The following TASP1 variants were observed in gnomAD, a reference collection of about 807,000 sequenced individuals.
TASP1 encodes threonine aspartase 1.
TASP1 carries 16 observed loss-of-function variants against 56.6 expected under a neutral mutation model. The observed-to-expected ratio is 0.28, with a 90% confidence interval of 0.19 to 0.43. TASP1 has a LOEUF of 0.43. Ranked by LOEUF, TASP1 falls within the 20% of genes least tolerant of loss-of-function variation. The probability of loss-of-function intolerance (pLI) is 1.00; values close to 1 mark genes in which losing one functional copy is unlikely to be tolerated. For missense variants in TASP1, 393 were observed against 511.6 expected (o/e 0.77, Z 2.24); for synonymous variants, 179 against 184.2 (o/e 0.97, Z 0.23).
At chr20:13,280,391 A>ACC in the TASP1 span, among the ~76,000 whole-genome samples, 8 of 132,004 alleles carry the variant, frequency 6.1e-5, no homozygotes, top group South Asian at 8.8e-4. Flanking sequence ...CTTCAAAGTA[A>ACC]CCCCCCCCCC....
intron 7 of TASP1, among the ~76,000 whole-genome samples, chr20:13,565,898 T>C (rs1266435236): frequency 3.3e-5 from 5 of 152,202 alleles, no homozygotes; most frequent in Non-Finnish European, 7.3e-5. Context: ...TGCATAGCCA[T>C]GTTCACAGTA....
intron 1 of TASP1, among the ~76,000 whole-genome samples, chr20:13,632,358 C>T (rs1197349502): frequency 2.1e-5 from 3 of 142,096 alleles, no homozygotes; most frequent in Non-Finnish European, 4.6e-5. Context: ...GAGCAAGACT[C>T]CATCTCAAAA....
At chr20:13,193,979 T>C in the TASP1 span, among the ~76,000 whole-genome samples, 2 of 152,176 alleles carry the variant, frequency 1.3e-5, no homozygotes, top group Non-Finnish European at 2.9e-5. Flanking sequence ...AAAATTTGTA[T>C]TTTGCTTTTT....
the TASP1 span, among the ~76,000 whole-genome samples, chr20:13,244,785 TGTGTAAAAGGGAAAG>T: frequency 4.6e-5 from 7 of 152,112 alleles, no homozygotes; most frequent in Admixed American, 2.0e-4. Context: ...GTGAGTAAAA[TGTGTAAAAGGGAAAG>T]GTGTGTTTCA....
chr20:13,287,704 C>T, the TASP1 span, among the ~76,000 whole-genome samples: 1 of 152,202 alleles, frequency 6.6e-6, no homozygotes, highest in East Asian at 1.9e-4. Flanking sequence ...AAGAATTGTG[C>T]CTGACATACA....
chr20:13,349,654 T>C, the TASP1 span, among the ~76,000 whole-genome samples: 1 of 152,214 alleles, frequency 6.6e-6, no homozygotes, highest in Admixed American at 6.5e-5. Flanking sequence ...AAAATCCTGA[T>C]ATTAGAAAGA....
chr20:13,585,470 A>T (rs2047269335), intron 5 of TASP1, among the ~76,000 whole-genome samples: 1 of 152,214 alleles, frequency 6.6e-6, no homozygotes. Flanking sequence ...TTGTATGTAA[A>T]ATATTTAAAA....
chr20:13,474,730 G>A (rs6042145), intron 11 of TASP1, among the ~76,000 whole-genome samples: 8,124 of 152,158 alleles, frequency 0.053, 315 homozygotes, highest in African/African-American at 0.11. Context: ...CATAATGATT[G>A]CACAAATTCA....
chr20:13,476,230 C>T (rs912944031), intron 11 of TASP1, among the ~76,000 whole-genome samples: 6 of 152,170 alleles, frequency 3.9e-5, no homozygotes, highest in African/African-American at 1.4e-4. Context: ...ACGTGTTTTA[C>T]TTTATTTTAT....
intron 11 of TASP1, among the ~76,000 whole-genome samples, chr20:13,482,545 T>C (rs937103780): frequency 1.3e-5 from 2 of 152,224 alleles, no homozygotes; most frequent in African/African-American, 4.8e-5. Flanking sequence ...ACACATGAAG[T>C]ATTTTTCCAT....
chr20:13,277,940 G>A, the TASP1 span, among the ~76,000 whole-genome samples: 15 of 152,260 alleles, frequency 9.9e-5, no homozygotes, highest in South Asian at 1.0e-3. Context: ...CTCCCCATTC[G>A]TAACACAAAA....
At chr20:13,206,670 C>A in the TASP1 span, among the ~76,000 whole-genome samples, 2 of 151,978 alleles carry the variant, frequency 1.3e-5, no homozygotes, top group African/African-American at 4.8e-5. Flanking sequence ...TAACTATATT[C>A]TTTGCATCCA....
chr20:13,311,283 A>AGATT, the TASP1 span, among the ~76,000 whole-genome samples: 4 of 151,332 alleles, frequency 2.6e-5, no homozygotes, highest in Non-Finnish European at 5.9e-5. Flanking sequence ...ATAGATAGAT[A>AGATT]ATAAAATATT....
At chr20:13,474,710 T>G (rs1482574288) in intron 11 of TASP1, among the ~76,000 whole-genome samples, 1 of 152,216 alleles carries the variant, frequency 6.6e-6, no homozygotes, top group Admixed American at 6.5e-5. Flanking sequence ...GGAATCTTCA[T>G]ACTGTTTTCC....
At chr20:13,557,578 T>TG (rs2046205001) in intron 8 of TASP1, among the ~76,000 whole-genome samples, 1 of 138,512 alleles carries the variant, frequency 7.2e-6, no homozygotes, top group Admixed American at 7.1e-5. Context: ...TTTGGTTTTT[T>TG]TTTTTTTTTT....
At chr20:13,499,469 A>AG (rs2043862855) in intron 10 of TASP1, among the ~76,000 whole-genome samples, 1 of 151,742 alleles carries the variant, frequency 6.6e-6, no homozygotes, top group Non-Finnish European at 1.5e-5. Flanking sequence ...TCTTTAAAAA[A>AG]AAAAAAAGAA....
At chr20:13,438,170 G>A (rs1398353523) in intron 11 of TASP1, among the ~76,000 whole-genome samples, 1 of 152,034 alleles carries the variant, frequency 6.6e-6, no homozygotes, top group Non-Finnish European at 1.5e-5. Context: ...AGTTCATATG[G>A]AACCAAAAAG....
chr20:13,460,228 T>C (rs1020948464), intron 11 of TASP1, among the ~76,000 whole-genome samples: 5 of 152,168 alleles, frequency 3.3e-5, no homozygotes, highest in Non-Finnish European at 1.5e-5. Context: ...CGGAAGAGTC[T>C]GACCTGCTGA....
intron 13 of TASP1, among the ~76,000 whole-genome samples, chr20:13,391,252 AG>A (rs1235114502): frequency 6.6e-6 from 1 of 152,080 alleles, no homozygotes; most frequent in African/African-American, 2.4e-5. Context: ...TACAACAGGG[AG>A]TTTTGTAGGG....
Sources: allele counts gnomAD v4.1 joint callset (sites outside exome capture counted in the v4.1 genomes callset), GRCh38; gene constraint gnomAD v4.1.1; transcripts MANE v1.5; gene names NCBI Gene and HGNC (gene_info 2026-07-23, HGNC 2026-07-21).